POF1B: variants seen among roughly 807,000 people sequenced by gnomAD.
POF1B encodes the protein POF1B actin binding protein.
POF1B carries 53 observed loss-of-function variants against 55.3 expected under a neutral mutation model. The observed-to-expected ratio is 0.96, with a 90% CI of 0.77 to 1.20. POF1B has a LOEUF of 1.20. Among genes scored for constraint, POF1B ranks in the 50% most tolerant of loss-of-function variants. The pLI, the probability that POF1B is intolerant of heterozygous loss-of-function variation, is 0.00. For synonymous variants in POF1B, 188 were observed against 148.3 expected (o/e 1.27, Z -1.95); for missense variants, 478 against 420.5 (o/e 1.14, Z -1.20).
intron 6 of POF1B, among the ~76,000 whole-genome samples, 185 bp downstream of exon 6, chrX:85,345,675 A>C (rs1212342673): frequency 9.0e-6 from 1 of 111,285 alleles, no homozygotes; most frequent in Non-Finnish European, 1.9e-5. Flanking sequence ...TAATCGACCT[A>C]AATTGTTTTG....
chrX:85,345,786 C>A, intron 6 of POF1B, 74 bp downstream of exon 6: 1 of 899,771 alleles, frequency 1.1e-6, no homozygotes, highest in Non-Finnish European at 1.5e-6. Flanking sequence ...TTAATGGGAG[C>A]ACCTGCATAG....
chrX:85,374,563 A>G (rs1452014130), intron 2 of POF1B, among the ~76,000 whole-genome samples: 1 of 112,590 alleles, frequency 8.9e-6, no homozygotes, highest in Non-Finnish European at 1.9e-5. Context: ...AAAGACTAAT[A>G]TACAGTATAA....
intron 15 of POF1B, among the ~76,000 whole-genome samples, chrX:85,288,367 T>A (rs1446908732): frequency 1.8e-5 from 2 of 110,914 alleles, no homozygotes; most frequent in East Asian, 5.8e-4. Flanking sequence ...GGGTTCCTGA[T>A]CAACTCCATC....
chrX:85,372,731 A>G (rs1645472873), intron 2 of POF1B, among the ~76,000 whole-genome samples: 1 of 103,092 alleles, frequency 9.7e-6, no homozygotes. Flanking sequence ...ATATATATAT[A>G]AATATATTTT....
At chrX:85,296,615 C>T (rs1031045382) in intron 15 of POF1B, among the ~76,000 whole-genome samples, 2 of 111,945 alleles carry the variant, frequency 1.8e-5, no homozygotes, top group Non-Finnish European at 3.8e-5. Flanking sequence ...TTCTTCTAGC[C>T]TGATAGAGTT....
At chrX:85,326,413 C>A (rs750367280) in intron 7 of POF1B, among the ~76,000 whole-genome samples, 2 of 108,786 alleles carry the variant, frequency 1.8e-5, no homozygotes, top group Admixed American at 2.0e-4. Context: ...GCGGCAGCTA[C>A]TGCTGGGGGG....
intron 15 of POF1B, among the ~76,000 whole-genome samples, chrX:85,301,324 C>A (rs770435154): frequency 2.5e-4 from 28 of 111,532 alleles, no homozygotes; most frequent in Non-Finnish European, 4.3e-4. Context: ...ATTATAGAGG[C>A]CAGAAGGCAA....
intron 3 of POF1B, among the ~76,000 whole-genome samples, chrX:85,365,667 G>A (rs1327374704): frequency 8.9e-6 from 1 of 111,756 alleles, no homozygotes; most frequent in African/African-American, 3.3e-5. Flanking sequence ...CCCTGAAAGT[G>A]TGGGCTCCTC....
chrX:85,370,773 A>G (rs1933806848), intron 2 of POF1B, among the ~76,000 whole-genome samples: 1 of 111,416 alleles, frequency 9.0e-6, no homozygotes, highest in East Asian at 2.8e-4. Context: ...CATTCCATAG[A>G]AAGTGATCCA....
At chrX:85,339,165 AG>A (rs1477798937) in intron 6 of POF1B, among the ~76,000 whole-genome samples, 1 of 111,048 alleles carries the variant, frequency 9.0e-6, no homozygotes, top group Non-Finnish European at 1.9e-5. Context: ...GAGATAGGGA[AG>A]ACCAAGCCAT....
At chrX:85,312,858 T>C (rs1015595295) in intron 9 of POF1B, among the ~76,000 whole-genome samples, 1 of 111,317 alleles carries the variant, frequency 9.0e-6, no homozygotes, top group African/African-American at 3.3e-5. Flanking sequence ...CCTTGAACAG[T>C]GGTTTGTAGC....
intron 2 of POF1B, among the ~76,000 whole-genome samples, chrX:85,370,195 T>A (rs2147951422): frequency 8.9e-6 from 1 of 112,414 alleles, no homozygotes; most frequent in South Asian, 3.6e-4. Flanking sequence ...TATTACTTTA[T>A]TCAGATGTTA....
intron 15 of POF1B, among the ~76,000 whole-genome samples, chrX:85,287,881 G>C (rs1465747365): frequency 4.5e-5 from 5 of 110,700 alleles, no homozygotes; most frequent in Non-Finnish European, 7.6e-5. Flanking sequence ...ATATAAAAAG[G>C]ATACTACATT....
chrX:85,368,366 C>T (rs920741634), intron 2 of POF1B, among the ~76,000 whole-genome samples: 6 of 111,068 alleles, frequency 5.4e-5, no homozygotes, highest in Non-Finnish European at 1.1e-4. Flanking sequence ...TGTATCAGAA[C>T]ATCTTATGCA....
At chrX:85,373,404 A>T (rs953801899) in intron 2 of POF1B, among the ~76,000 whole-genome samples, 1 of 112,077 alleles carries the variant, frequency 8.9e-6, no homozygotes, top group African/African-American at 3.2e-5. Context: ...TGTACAATAA[A>T]CATAATAATG....
intron 4 of POF1B, among the ~76,000 whole-genome samples, chrX:85,355,389 T>A (rs2147941200): frequency 8.9e-6 from 1 of 111,993 alleles, no homozygotes; most frequent in South Asian, 3.7e-4. Flanking sequence ...ATTCAGGACA[T>A]AGGCTTGGGC....
intron 6 of POF1B, among the ~76,000 whole-genome samples, chrX:85,343,060 G>T (rs1933203310): frequency 9.3e-6 from 1 of 107,669 alleles, no homozygotes; most frequent in Non-Finnish European, 1.9e-5. Context: ...GGCTGGGGAG[G>T]GATAGCATTG....
chrX:85,367,165 C>T (rs1248688075), intron 3 of POF1B, among the ~76,000 whole-genome samples: 1 of 111,450 alleles, frequency 9.0e-6, no homozygotes, highest in Non-Finnish European at 1.9e-5. Flanking sequence ...TAATGAAACA[C>T]ATATTTCAAT....
Position 85,279,326 on chromosome X carries a change from G to T in POF1B, c.*95C>A. On this transcript the variant is annotated 3_prime_UTR_variant, in exon 17 of 17. Transcript: ENST00000262753. ...GCAGCATGGTTCCAAATTCTGATTG[G>T]CCTTTAGTGATGGAAAAATAACAAA... The T allele has an allele frequency of 1.1e-6, 1 of 894,204 alleles. No individual in the cohort carries two copies. Among genetic ancestry groups the T allele is most frequent in the African/African-American group, 2.0e-5 (1 of 49,880 alleles). The allele number at this position is 894,204 out of a possible 1,213,427, so 73.7% of individuals were successfully genotyped here.
Sources: allele counts gnomAD v4.1 joint callset (sites outside exome capture counted in the v4.1 genomes callset), GRCh38; gene constraint gnomAD v4.1.1; transcripts MANE v1.5; gene names NCBI Gene and HGNC (gene_info 2026-07-23, HGNC 2026-07-21).